Variants in ARNT observed in about 807,000 individuals in gnomAD.
ARNT encodes class E basic helix-loop-helix protein 2.
In ARNT, 30 loss-of-function variants were observed where a neutral mutation model predicts 105.0. The ratio of observed to expected loss-of-function variants is 0.29; its 90% CI spans 0.21 to 0.39. The LOEUF (loss-of-function observed/expected upper bound fraction) is 0.39, where lower values mean the gene tolerates loss of function less well. Among genes scored for constraint, ARNT ranks in the 10% least tolerant of loss-of-function variants. The probability of loss-of-function intolerance (pLI) is 1.00; values close to 1 mark genes in which losing one functional copy is unlikely to be tolerated. For missense variants in ARNT, 748 were observed against 978.7 expected, an observed-to-expected ratio of 0.76 and a Z score of 3.15; for synonymous variants, 304 against 344.0, an observed-to-expected ratio of 0.88 and a Z score of 1.29.
chr1:150,822,307 C>A (rs1395434312), intron 14 of ARNT, among the ~76,000 whole-genome samples: 1 of 151,996 alleles, frequency 6.6e-6, no homozygotes, highest in Non-Finnish European at 1.5e-5. Context: ...GGGCTGGCAA[C>A]CCCTAGGTAG....
chr1:150,837,831 CCCAAAA>C (rs1660589077), intron 6 of ARNT, among the ~76,000 whole-genome samples: 1 of 152,034 alleles, frequency 6.6e-6, no homozygotes, highest in South Asian at 2.1e-4. Flanking sequence ...ACATCAACAT[CCCAAAA>C]CCTGAATCAT....
At chr1:150,862,165 A>G (rs769228896) in intron 1 of ARNT, among the ~76,000 whole-genome samples, 1 of 152,202 alleles carries the variant, frequency 6.6e-6, no homozygotes, top group African/African-American at 2.4e-5. Context: ...TCTGTACTAT[A>G]AATGTATAGT....
chr1:150,871,586 C>T (rs1023301418), intron 1 of ARNT, among the ~76,000 whole-genome samples: 2 of 149,570 alleles, frequency 1.3e-5, no homozygotes, highest in African/African-American at 4.9e-5. Flanking sequence ...CAGGCATGAG[C>T]CACCATGCCC....
At chr1:150,842,549 G>A (rs1025009756) in intron 4 of ARNT, 81 bp from the exon 5 acceptor site, 6 of 1,216,596 alleles carry the variant, frequency 4.9e-6, no homozygotes, top group Non-Finnish European at 7.1e-6. Flanking sequence ...GGGAAAAAAG[G>A]AAGGAGGGAG....
chr1:150,834,696 G>T, intron 7 of ARNT, 56 bp from the exon 8 acceptor site: 1 of 1,478,108 alleles, frequency 6.8e-7, no homozygotes, highest in Non-Finnish European at 9.5e-7. Context: ...GGGGAAGAGG[G>T]GGAGAGATAC....
chr1:150,831,788 G>C lies in ARNT; in HGVS notation c.955+30C>G, dbSNP rs780192289. 3 of 1,498,260 alleles carry C rather than the reference G, an allele frequency of 2.0e-6. No individual in the cohort carries two copies. In the South Asian group the frequency reaches 3.4e-5, roughly 17 times the overall value. 92.8% of individuals were successfully genotyped at this position (1,498,260 alleles called of 1,614,324 possible). A position where few individuals can be genotyped will look rare whatever the true frequency, so the allele number is the denominator to read the frequency against. ...CTCTGTGAGGAACCAACTGTACCAA[G>C]GGGAAATATTTACTATTTCACTTTC... On this transcript the variant is annotated intron_variant, in intron 10 of 21. Transcript: ENST00000358595.
At chr1:150,856,686 C>A (rs1469692857) in intron 2 of ARNT, among the ~76,000 whole-genome samples, 2 of 152,114 alleles carry the variant, frequency 1.3e-5, no homozygotes, top group African/African-American at 4.8e-5. Context: ...TCCCTTGAAC[C>A]AGAGAGGTGG....
intron 3 of ARNT, among the ~76,000 whole-genome samples, chr1:150,847,475 T>G (rs1057128197): frequency 6.6e-6 from 1 of 151,862 alleles, no homozygotes; most frequent in African/African-American, 2.4e-5. Context: ...CGGCAGTGCT[T>G]TTCTCAGGCA....
In ARNT at chr1:150,809,767, G is replaced by A. The variant is rs190118865; in HGVS notation, c.*2254C>T. On this transcript the variant is annotated 3_prime_UTR_variant, in exon 22 of 22. Coordinates refer to ENST00000358595, the MANE Select transcript of ARNT (RefSeq NM_001668.4). ...AGGACATACTGGGGGAAGGCATCCA[G>A]ATGTGCCCTAGTGGTTTTCAAGTCC... is the stretch of plus-strand genomic sequence containing the variant. The A allele has an allele frequency of 4.6e-6, 1 of 216,668 alleles. No individual in the cohort carries two copies. Among genetic ancestry groups the A allele is most frequent in the East Asian group, 6.7e-5 (1 of 14,850 alleles). 13.4% of individuals were successfully genotyped at this position (216,668 alleles called of 1,614,324 possible). A position where few individuals can be genotyped will look rare whatever the true frequency, so the allele number is the denominator to read the frequency against.
chr1:150,827,706 G>A (rs1571251323), intron 12 of ARNT, among the ~76,000 whole-genome samples: 1 of 152,158 alleles, frequency 6.6e-6, no homozygotes, highest in Non-Finnish European at 1.5e-5. Context: ...AAATTGCTAG[G>A]TTATAGGCTA....
Position 150,811,458 on chromosome 1 carries a change from G to GCCCACA in ARNT, c.*562_*563insTGTGGG. On this transcript the variant is annotated 3_prime_UTR_variant, in exon 22 of 22. Transcript: ENST00000358595. The stretch of plus-strand genomic sequence containing the variant: ...GAGTGAAATACAGAAGCATGTGTGC[G>GCCCACA]CACACACACACACACACACATACAC... The GCCCACA allele has an allele frequency of 4.8e-6, 1 of 209,186 alleles. No homozygotes were observed. Among genetic ancestry groups the GCCCACA allele is most frequent in the East Asian group, 7.7e-5 (1 of 13,046 alleles). The allele number at this position is 209,186 out of a possible 1,614,324, so 13.0% of individuals were successfully genotyped here.
Position 150,834,527 on chromosome 1 carries a change from T to C in ARNT, c.803+11A>G, listed in dbSNP as rs1454852534. The stretch of plus-strand genomic sequence containing the variant: ...CCTATACCAAATCACAATCCTCAGC[T>C]TGACACTCACCTCATTCGGCAAATA... On this transcript the variant is annotated intron_variant, in intron 8 of 21. Transcript: ENST00000358595. The C allele has an allele frequency of 6.2e-7, 1 of 1,612,686 alleles. No individual in the cohort carries two copies.
rs1415271535 is a variant in ARNT at position 150,842,241 on chromosome 1, AC to A, written c.272+182del. On this transcript the variant is annotated intron_variant, in intron 5 of 21. Transcript: ENST00000358595. ...TCCCTAAGCAAAGTTCCCTCAACTC[AC>A]CCACTTTCTGATGGGGGAAGCCAAA... is the stretch of plus-strand genomic sequence containing the variant. 5.1e-6 allele frequency: 5 copies of A among 984,952 alleles called. No homozygotes were observed. In the African/African-American group the frequency reaches 7.0e-5, roughly 14 times the overall value. The allele number at this position is 984,952 out of a possible 1,614,324, so 61.0% of individuals were successfully genotyped here.
At chr1:150,863,346 ACT>A (rs1484213060) in intron 1 of ARNT, among the ~76,000 whole-genome samples, 4 of 149,680 alleles carry the variant, frequency 2.7e-5, no homozygotes, top group African/African-American at 7.3e-5. Flanking sequence ...ACAGAATGAG[ACT>A]CTGTCTCAAA....
Position 150,810,632 on chromosome 1 carries a change from T to TAAAAA in ARNT, c.*1384_*1388dup, listed in dbSNP as rs71645814. ...CTTTAGCTACTGGCCAAAGCCAATT[T>TAAAAA]AAAAAAAAAAAAAAAAAAGCTGGTA... is the stretch of plus-strand genomic sequence containing the variant. On this transcript the variant is annotated 3_prime_UTR_variant, in exon 22 of 22. Transcript: ENST00000358595. 1 of 157,554 alleles carries TAAAAA rather than the reference T, an allele frequency of 6.3e-6. No homozygotes were observed. The highest frequency in any genetic ancestry group is 1.3e-5 in the Non-Finnish European group (1 of 76,840). The allele number at this position is 157,554 out of a possible 1,614,324, so 9.8% of individuals were successfully genotyped here. A position where few individuals can be genotyped will look rare whatever the true frequency, so the allele number is the denominator to read the frequency against.
intron 2 of ARNT, among the ~76,000 whole-genome samples, chr1:150,854,460 G>T (rs1571421916): frequency 1.4e-5 from 2 of 147,396 alleles, no homozygotes; most frequent in African/African-American, 2.5e-5. Flanking sequence ...GGTTGGGGGG[G>T]CGGGAGGGGC....
chr1:150,850,416 C>T (rs912358653), intron 3 of ARNT, among the ~76,000 whole-genome samples: 3 of 152,182 alleles, frequency 2.0e-5, no homozygotes, highest in Non-Finnish European at 2.9e-5. Context: ...CGAGTGCCTG[C>T]GATTGCAGTC....
At position 150,816,540 on chromosome 1, in the gene ARNT, G is replaced by A. The variant is rs138307554; in HGVS notation, c.1803-134C>T. 4.2e-6 allele frequency: 5 copies of A among 1,177,164 alleles called. No homozygotes were observed. The East Asian group carries it at 1.4e-4, about 32-fold the overall frequency. The allele number at this position is 1,177,164 out of a possible 1,614,324, so 72.9% of individuals were successfully genotyped here. A position where few individuals can be genotyped will look rare whatever the true frequency, so the allele number is the denominator to read the frequency against. On this transcript the variant is annotated intron_variant, in intron 18 of 21. Coordinates refer to ENST00000358595, the MANE Select transcript of ARNT (RefSeq NM_001668.4). ...GTTAAGGAAAATTTGATAACAATTTGGAAAAGACAAGAAAGACTGACAGTC... is the reference window on the plus strand; with the variant it reads ...GTTAAGGAAAATTTGATAACAATTTAGAAAAGACAAGAAAGACTGACAGTC...
intron 11 of ARNT, chr1:150,829,552 T>C (rs1571262374): frequency 1.7e-6 from 1 of 584,264 alleles, no homozygotes; most frequent in Non-Finnish European, 3.2e-6. Context: ...TCTATACTTA[T>C]GAAAAAATCA....
Sources: gnomAD v4.1 joint callset for allele counts (sites outside exome capture counted in the v4.1 genomes callset) on GRCh38, gnomAD v4.1.1 for gene constraint, MANE v1.5 for transcripts, NCBI Gene and HGNC (gene_info 2026-07-23, HGNC 2026-07-21) for gene names.